NUBPL: variants seen among roughly 807,000 people sequenced by gnomAD.
The protein encoded by NUBPL is NUBP iron-sulfur cluster assembly factor, mitochondrial.
In NUBPL, 31 loss-of-function variants were observed where a neutral mutation model predicts 45.7. The observed-to-expected ratio is 0.68, with a 90% confidence interval of 0.51 to 0.92. NUBPL has a LOEUF of 0.92. Among genes scored for constraint, NUBPL ranks in the 40% least tolerant of loss-of-function variants. NUBPL has a pLI of 0.00. For missense variants in NUBPL, 401 were observed against 398.7 expected (o/e 1.01, Z -0.05); for synonymous variants, 144 against 140.9 (o/e 1.02, Z -0.15).
chr14:31,755,197 C>A (rs2038631078), intron 6 of NUBPL, among the ~76,000 whole-genome samples: 1 of 152,040 alleles, frequency 6.6e-6, no homozygotes, highest in African/African-American at 2.4e-5. Context: ...GATTTATAGT[C>A]CTTTGGGTAT....
chr14:31,574,289 A>C (rs1248266570), intron 3 of NUBPL, among the ~76,000 whole-genome samples: 7 of 151,764 alleles, frequency 4.6e-5, no homozygotes, highest in Non-Finnish European at 8.8e-5. Flanking sequence ...TTTGAGACAG[A>C]GTCTTACTCT....
At position 31,860,882 on chromosome 14, in the gene NUBPL, T is replaced by G. The variant is rs2040702917; in HGVS notation, c.*1702T>G. Reference sequence around the variant, plus strand: ...TTATGCTGAATGAAAAAGGCCAATTTAAAAAGGTTTTGTACCAAAAGATTC... The same window carrying G: ...TTATGCTGAATGAAAAAGGCCAATTGAAAAAGGTTTTGTACCAAAAGATTC... On this transcript the variant is annotated 3_prime_UTR_variant, in exon 11 of 11. Transcript: ENST00000281081. The G allele has an allele frequency of 1.3e-5, 2 of 152,158 alleles. No individual in the cohort carries two copies. Among genetic ancestry groups the G allele is most frequent in the African/African-American group, 2.4e-5 (1 of 41,436 alleles). The allele number at this position is 152,158 out of a possible 1,614,324, so 9.4% of individuals were successfully genotyped here. A position where few individuals can be genotyped will look rare whatever the true frequency, so the allele number is the denominator to read the frequency against.
intron 4 of NUBPL, among the ~76,000 whole-genome samples, chr14:31,644,058 G>A (rs1160110422): frequency 6.6e-6 from 1 of 151,716 alleles, no homozygotes; most frequent in African/African-American, 2.4e-5. Flanking sequence ...TCTAGCTAAA[G>A]ATTTGTCAAT....
chr14:31,790,421 C>CT (rs986881986), intron 7 of NUBPL, among the ~76,000 whole-genome samples: 1 of 151,884 alleles, frequency 6.6e-6, no homozygotes, highest in East Asian at 1.9e-4. Context: ...AAGACATAGT[C>CT]TTTTTTTTGT....
At chr14:31,813,655 T>G (rs1444119245) in intron 7 of NUBPL, among the ~76,000 whole-genome samples, 1 of 152,114 alleles carries the variant, frequency 6.6e-6, no homozygotes, top group African/African-American at 2.4e-5. Context: ...TCATCTACAT[T>G]AGGTATTTCT....
chr14:31,842,157 A>C (rs1213121075), intron 8 of NUBPL, among the ~76,000 whole-genome samples: 8 of 150,994 alleles, frequency 5.3e-5, no homozygotes, highest in Non-Finnish European at 1.2e-4. Flanking sequence ...TCTTGATCTG[A>C]CCTCATGATC....
intron 7 of NUBPL, among the ~76,000 whole-genome samples, chr14:31,788,990 A>G (rs1013680410): frequency 2.0e-5 from 3 of 152,236 alleles, no homozygotes; most frequent in Non-Finnish European, 4.4e-5. Flanking sequence ...CTGGTACATG[A>G]CAGGCACTCG....
At chr14:31,578,576 A>G (rs919242529) in intron 3 of NUBPL, among the ~76,000 whole-genome samples, 9 of 152,238 alleles carry the variant, frequency 5.9e-5, no homozygotes, top group Non-Finnish European at 1.3e-4. Flanking sequence ...TTGCTGATGT[A>G]ATAAGACAAA....
intron 4 of NUBPL, among the ~76,000 whole-genome samples, chr14:31,615,662 T>C (rs1187285194): frequency 6.6e-6 from 1 of 152,248 alleles, no homozygotes. Context: ...TTTCATGATA[T>C]ATACATGCCA....
At chr14:31,599,122 C>T in intron 3 of NUBPL, 167 bp from the exon 4 acceptor site, 1 of 659,162 alleles carries the variant, frequency 1.5e-6, no homozygotes, top group Non-Finnish European at 2.7e-6. Flanking sequence ...TGCTCTTTTA[C>T]TTAACTGTTG....
chr14:31,728,138 A>G (rs1206131700), intron 6 of NUBPL, among the ~76,000 whole-genome samples: 1 of 152,100 alleles, frequency 6.6e-6, no homozygotes, highest in Non-Finnish European at 1.5e-5. Flanking sequence ...AATTGAAGCT[A>G]GTTTTTTTTA....
intron 6 of NUBPL, among the ~76,000 whole-genome samples, chr14:31,692,165 T>C (rs1236583708): frequency 6.6e-6 from 1 of 152,220 alleles, no homozygotes; most frequent in African/African-American, 2.4e-5. Context: ...AATTTCCTTT[T>C]ATTTTCTATT....
intron 6 of NUBPL, among the ~76,000 whole-genome samples, chr14:31,726,072 A>G (rs535048607): frequency 7.0e-4 from 106 of 152,338 alleles, no homozygotes; most frequent in African/African-American, 2.0e-3. Context: ...TGCTTTGTAC[A>G]TAGGAGTTGG....
intron 6 of NUBPL, among the ~76,000 whole-genome samples, chr14:31,726,967 C>G (rs989524129): frequency 1.3e-5 from 2 of 152,070 alleles, no homozygotes; most frequent in African/African-American, 4.8e-5. Flanking sequence ...AACCCCCACC[C>G]CCACTTAACA....
chr14:31,788,646 A>C (rs1033796052), intron 7 of NUBPL, among the ~76,000 whole-genome samples: 4 of 152,178 alleles, frequency 2.6e-5, no homozygotes, highest in Non-Finnish European at 4.4e-5. Context: ...TTCTCTTCAT[A>C]TCAGCATGTA....
intron 4 of NUBPL, among the ~76,000 whole-genome samples, chr14:31,651,945 T>G (rs898132830): frequency 2.0e-5 from 3 of 149,490 alleles, no homozygotes; most frequent in African/African-American, 7.4e-5. Context: ...AGGATCTGAA[T>G]AGACATTTCT....
rs370481095 is a variant in NUBPL, at chr14:31,735,619, T to C, written c.514-52161T>C. ...CTGTAATCCCAGCACTTTGGGAGGC[T>C]GAGGCGGGCGAATCACAAGGCCAGG... On this transcript the variant is annotated intron_variant, in intron 6 of 10. Transcript: ENST00000281081. Among the ~76,000 whole-genome samples, 993 of 152,016 alleles carry C rather than the reference T, an allele frequency of 6.5e-3. 13 individuals carry two copies. The highest frequency in any genetic ancestry group is 0.023 in the African/African-American group (930 of 41,318).
At chr14:31,828,020 C>T (rs184958843) in intron 8 of NUBPL, among the ~76,000 whole-genome samples, 4 of 143,498 alleles carry the variant, frequency 2.8e-5, no homozygotes, top group Non-Finnish European at 6.3e-5. Context: ...TCGTGAAAAT[C>T]GAGGAGGCTT....
intron 3 of NUBPL, among the ~76,000 whole-genome samples, chr14:31,572,908 G>A (rs534741472): frequency 1.3e-5 from 2 of 152,200 alleles, no homozygotes; most frequent in African/African-American, 4.8e-5. Context: ...GTAACACAAT[G>A]GTAAGTATTT....
Sources: allele counts gnomAD v4.1 joint callset (sites outside exome capture counted in the v4.1 genomes callset), GRCh38; gene constraint gnomAD v4.1.1; transcripts MANE v1.5; gene names NCBI Gene and HGNC (gene_info 2026-07-23, HGNC 2026-07-21).